PREX1: variants seen among roughly 807,000 people sequenced by gnomAD.
PREX1 encodes the protein phosphatidylinositol 3,4,5-trisphosphate-dependent Rac exchanger 1 protein.
Under a neutral mutation model 198.3 loss-of-function variants are expected in PREX1, and 41 were observed. That is an observed-to-expected ratio of 0.21 (90% CI 0.16 to 0.27). The LOEUF (loss-of-function observed/expected upper bound fraction) is 0.27, where lower values mean the gene tolerates loss of function less well. Among genes scored for constraint, PREX1 ranks in the 10% least tolerant of loss-of-function variants. The pLI is 1.00. For synonymous variants in PREX1, 843 were observed against 887.2 expected, an observed-to-expected ratio of 0.95 and a Z score of 0.89; for missense variants, 1,620 against 2,200.7, an observed-to-expected ratio of 0.74 and a Z score of 5.28.
At chr20:48,709,174 A>T (rs1421835206) in intron 5 of PREX1, among the ~76,000 whole-genome samples, 2 of 152,182 alleles carry the variant, frequency 1.3e-5, no homozygotes, top group African/African-American at 2.4e-5. Flanking sequence ...TGAGATATCA[A>T]GGAAGATTTT....
chr20:48,845,459 T>TTC, the PREX1 span, among the ~76,000 whole-genome samples: 1 of 152,118 alleles, frequency 6.6e-6, no homozygotes. Context: ...TCTCAGCACT[T>TTC]TGGGAGGCCA....
intron 10 of PREX1, among the ~76,000 whole-genome samples, chr20:48,683,253 G>T (rs1289501797): frequency 6.6e-6 from 1 of 152,228 alleles, no homozygotes; most frequent in African/African-American, 2.4e-5. Context: ...CTCTGGCCAG[G>T]GTTAGGGGAC....
chr20:48,710,114 GC>G (rs2089923713), intron 5 of PREX1, among the ~76,000 whole-genome samples: 1 of 152,206 alleles, frequency 6.6e-6, no homozygotes, highest in African/African-American at 2.4e-5. Context: ...TTCCCTGGGG[GC>G]TTGAGAAAGG....
At chr20:48,882,268 G>T in the PREX1 span, among the ~76,000 whole-genome samples, 425 of 151,746 alleles carry the variant, frequency 2.8e-3, 5 homozygotes, top group African/African-American at 1.0e-2. Context: ...TTTGGGAGGC[G>T]GAGGCAGGCG....
chr20:48,834,848 C>T, the PREX1 span, among the ~76,000 whole-genome samples: 1 of 152,328 alleles, frequency 6.6e-6, no homozygotes, highest in African/African-American at 2.4e-5. Context: ...GTGTGAGGCA[C>T]CACACCCATT....
chr20:48,845,955 A>G, the PREX1 span, among the ~76,000 whole-genome samples: 1 of 152,168 alleles, frequency 6.6e-6, no homozygotes, highest in Non-Finnish European at 1.5e-5. Flanking sequence ...CTCACAGGCT[A>G]TTGCATGGAC....
At chr20:48,676,371 C>G in intron 13 of PREX1, 103 bp from the exon 14 acceptor site, 1 of 1,079,438 alleles carries the variant, frequency 9.3e-7, no homozygotes, top group Non-Finnish European at 1.4e-6. Context: ...TCAAGGATCT[C>G]CAGGCTCTCT....
At chr20:48,658,049 G>A in intron 17 of PREX1, 87 bp downstream of exon 17, 3 of 1,286,714 alleles carry the variant, frequency 2.3e-6, no homozygotes, top group South Asian at 2.7e-5. Context: ...AGAATCTCCT[G>A]GGCTGGGCTG....
At chr20:48,847,279 T>A in the PREX1 span, among the ~76,000 whole-genome samples, 6 of 150,828 alleles carry the variant, frequency 4.0e-5, no homozygotes, top group Admixed American at 4.0e-4. Context: ...AAGGAATACT[T>A]CATGGAGGAG....
intron 1 of PREX1, among the ~76,000 whole-genome samples, chr20:48,806,010 C>T (rs1308024980): frequency 6.6e-6 from 1 of 152,236 alleles, no homozygotes; most frequent in Non-Finnish European, 1.5e-5. Context: ...GTGCCACTGA[C>T]AATTGGGGCC....
chr20:48,632,442 T>C (rs1191789666), intron 34 of PREX1, 51 bp from the exon 35 acceptor site: 1 of 1,613,310 alleles, frequency 6.2e-7, no homozygotes, highest in Non-Finnish European at 8.5e-7. Context: ...CCGGTGTGCT[T>C]GGTGGCCTTG....
chr20:48,712,225 C>A (rs2089935045), intron 5 of PREX1, among the ~76,000 whole-genome samples: 4 of 152,150 alleles, frequency 2.6e-5, no homozygotes, highest in Admixed American at 2.6e-4. Flanking sequence ...CTTTTACTAT[C>A]CCCACTTGAC....
intron 5 of PREX1, among the ~76,000 whole-genome samples, chr20:48,718,621 T>C (rs1324700261): frequency 6.6e-6 from 1 of 152,102 alleles, no homozygotes; most frequent in African/African-American, 2.4e-5. Flanking sequence ...TAAATTGAAC[T>C]CTATGGAGTT....
intron 27 of PREX1, 128 bp from the exon 28 acceptor site, chr20:48,642,617 C>G: frequency 1.2e-6 from 1 of 810,540 alleles, no homozygotes; most frequent in Non-Finnish European, 1.9e-6. Context: ...GTCTGAAGAC[C>G]AGGTCCTGGC....
rs577199639 is a variant in PREX1 at position 48,663,476 on chromosome 20, G to A, written c.1738+2807C>T. The stretch of plus-strand genomic sequence containing the variant: ...TGGGAGGCGGAGGTTGTGGTGAGCC[G>A]AGATCACACCATTGCACTCCAGCCT... On this transcript the variant is annotated intron_variant, in intron 15 of 39. Transcript: ENST00000371941. Among the ~76,000 whole-genome samples the A allele has an allele frequency of 5.9e-5, 9 of 151,952 alleles. No homozygotes were observed. In the South Asian group the frequency reaches 1.3e-3, roughly 21 times the overall value.
intron 6 of PREX1, among the ~76,000 whole-genome samples, chr20:48,702,427 C>T (rs2089880074): frequency 6.6e-6 from 1 of 152,224 alleles, no homozygotes; most frequent in Admixed American, 6.5e-5. Context: ...ATCCACGTCC[C>T]TCTTCTGTGA....
intron 20 of PREX1, among the ~76,000 whole-genome samples, 199 bp from the exon 21 acceptor site, chr20:48,652,905 G>T (rs185093175): frequency 4.6e-5 from 7 of 152,288 alleles, no homozygotes; most frequent in African/African-American, 1.7e-4. Context: ...GGACATGGGT[G>T]CAGACACGTC....
intron 1 of PREX1, among the ~76,000 whole-genome samples, chr20:48,788,000 T>C (rs1485687938): frequency 1.3e-5 from 2 of 152,190 alleles, no homozygotes; most frequent in East Asian, 1.9e-4. Context: ...TAAACTTCAC[T>C]TGCAGATGGC....
chr20:48,804,690 G>A (rs1165343229), intron 1 of PREX1, among the ~76,000 whole-genome samples: 3 of 152,250 alleles, frequency 2.0e-5, no homozygotes, highest in Non-Finnish European at 2.9e-5. Flanking sequence ...GGAGACGACT[G>A]CAAGAGTCCC....
Sources: allele counts gnomAD v4.1 joint callset (sites outside exome capture counted in the v4.1 genomes callset), GRCh38; gene constraint gnomAD v4.1.1; transcripts MANE v1.5; gene names NCBI Gene and HGNC (gene_info 2026-07-23, HGNC 2026-07-21).